The following NPHP4 variants were observed in gnomAD, a reference collection of about 807,000 sequenced individuals.
NPHP4 encodes the protein nephrocystin 4.
NPHP4 carries 151 observed loss-of-function variants against 155.8 expected under a neutral mutation model. The ratio of observed to expected loss-of-function variants is 0.97; its 90% CI spans 0.85 to 1.11. NPHP4 has a LOEUF of 1.11. Among genes scored for constraint, NPHP4 ranks in the 50% least tolerant of loss-of-function variants. The pLI, the probability that NPHP4 is intolerant of heterozygous loss-of-function variation, is 0.00. For missense variants in NPHP4, 1,956 were observed against 1,925.7 expected (o/e 1.02, Z -0.29); for synonymous variants, 845 against 816.8 (o/e 1.03, Z -0.59).
Position 5,958,692 on chromosome 1 carries a change from CAA to C in NPHP4, c.673+3100_673+3101del, listed in dbSNP as rs35749567. Among the ~76,000 whole-genome samples, 194 of 124,932 alleles carry C rather than the reference CAA, an allele frequency of 1.6e-3. 1 individual carries two copies. The highest frequency in any genetic ancestry group is 4.4e-3 in the African/African-American group (150 of 33,826). 82.0% of individuals were successfully genotyped at this position (124,932 alleles called of 152,430 possible). On this transcript the variant is annotated intron_variant, in intron 6 of 29. Coordinates refer to ENST00000378156, the MANE Select transcript of NPHP4 (RefSeq NM_015102.5). ...CCTGGGCGACAGAGCAAGACTGTCT[CAA>C]AAAAAAAAAAAAAAATTAGCCAGGC...
intron 16 of NPHP4, among the ~76,000 whole-genome samples, chr1:5,900,123 A>C (rs1467435815): frequency 6.6e-6 from 1 of 152,192 alleles, no homozygotes; most frequent in Non-Finnish European, 1.5e-5. Flanking sequence ...GGAATGCAAA[A>C]TGCCCAGCCA....
intron 18 of NPHP4, 32 bp downstream of exon 18, chr1:5,887,254 T>C (rs917577431): frequency 6.3e-7 from 1 of 1,592,278 alleles, no homozygotes; most frequent in Non-Finnish European, 8.6e-7. Context: ...GGGCGGCCGC[T>C]GGAGAAATGG....
At chr1:5,947,513 C>T (rs1647171047) in intron 8 of NPHP4, among the ~76,000 whole-genome samples, 2 of 152,218 alleles carry the variant, frequency 1.3e-5, no homozygotes, top group African/African-American at 4.8e-5. Context: ...ATTGCTCTTT[C>T]AACGCATTTC....
chr1:5,864,989 G>A (rs1320022359), intron 27 of NPHP4, 113 bp downstream of exon 27: 4 of 1,040,954 alleles, frequency 3.8e-6, no homozygotes, highest in East Asian at 5.0e-5. Context: ...CGCGCTGGAG[G>A]CGCTGGAAAA....
intron 2 of NPHP4, among the ~76,000 whole-genome samples, chr1:5,982,563 C>T (rs1654877693): frequency 1.3e-5 from 2 of 152,176 alleles, no homozygotes; most frequent in Non-Finnish European, 2.9e-5. Context: ...CTTCTAGTTA[C>T]TTTGTATCTA....
rs1405436888 is a variant in NPHP4 at position 5,974,864 on chromosome 1, T to C, written c.279+3406A>G. On this transcript the variant is annotated intron_variant, in intron 3 of 29. Transcript: ENST00000378156. ...GGTCCATGCGCTACCACGTGGGGGC[T>C]GGACAGCCACGGGCGCTCCAAATGC... 3.9e-5 allele frequency among the ~76,000 whole-genome samples: 6 copies of C among 152,122 alleles called. No individual in the cohort carries two copies. In the East Asian group the frequency reaches 1.2e-3, roughly 29 times the overall value.
intron 11 of NPHP4, among the ~76,000 whole-genome samples, chr1:5,921,835 AG>A (rs1645754070): frequency 6.6e-6 from 1 of 152,242 alleles, no homozygotes; most frequent in African/African-American, 2.4e-5. Flanking sequence ...ACATGAAGCT[AG>A]GACTGAATTT....
chr1:5,986,076 G>T, intron 2 of NPHP4, 79 bp downstream of exon 2: 1 of 1,499,086 alleles, frequency 6.7e-7, no homozygotes, highest in Non-Finnish European at 9.3e-7. Flanking sequence ...CGTAAGCCAG[G>T]GACCATCCAT....
intron 6 of NPHP4, 93 bp downstream of exon 6, chr1:5,961,701 G>A (rs983388070): frequency 2.0e-5 from 25 of 1,273,260 alleles, no homozygotes; most frequent in Middle Eastern, 2.6e-4. Flanking sequence ...CTCGGCCCAC[G>A]CTGCCCCCAG....
chr1:5,991,590 C>T (rs942646260), intron 1 of NPHP4: 1 of 152,214 alleles, frequency 6.6e-6, no homozygotes, highest in African/African-American at 2.4e-5. Context: ...CGGGAGCAGC[C>T]TGCACGCGTG....
Position 5,948,080 on chromosome 1 carries a change from A to C in NPHP4, c.982T>G (p.Ser328Ala). 6.2e-7 allele frequency: 1 copy of C among 1,613,202 alleles called. No homozygotes were observed. Among genetic ancestry groups the C allele is most frequent in the Non-Finnish European group, 8.5e-7 (1 of 1,179,248 alleles). Residue 328 changes from serine (S) to alanine (A), a missense_variant, in exon 8 of 30, where the codon TCC (serine) becomes GCC (alanine). Physicochemically the swap from Ser to Ala is moderately conservative, Grantham distance 99 (BLOSUM62 1). Transcript: ENST00000378156. ...ASFSRKVVSS[S>A]KTSSGSQALV... is the part of the protein sequence containing the mutation. The stretch of plus-strand genomic sequence containing the variant: ...CCCAAGAGACAATACCTGGTCTTGG[A>C]AGAGGAGACCACTTTCCTGCTGAAG...
chr1:5,876,692 T>C (rs1486836021), intron 20 of NPHP4, among the ~76,000 whole-genome samples: 1 of 152,210 alleles, frequency 6.6e-6, no homozygotes, highest in Non-Finnish European at 1.5e-5. Flanking sequence ...AAGTTCTATT[T>C]AGATTTTCAG....
Position 5,992,050 on chromosome 1 carries a change from A to G in NPHP4, c.-39+194T>C, listed in dbSNP as rs1656453856. ...CGACGAGGGGGGACGCCTGCGACTA[A>G]CGCGGGGACAGCCCCCGCCGCGCGC... On this transcript the variant is annotated intron_variant, in intron 1 of 29. Transcript: ENST00000378156. Among the ~76,000 whole-genome samples, 4 of 151,858 alleles carry G rather than the reference A, an allele frequency of 2.6e-5. No homozygotes were observed. In the South Asian group the frequency reaches 8.3e-4, roughly 32 times the overall value.
At chr1:5,967,741 T>C (rs1206905766) in intron 4 of NPHP4, among the ~76,000 whole-genome samples, 1 of 152,172 alleles carries the variant, frequency 6.6e-6, no homozygotes, top group Non-Finnish European at 1.5e-5. Context: ...CATTTGGCAA[T>C]GTCTGGAGAC....
rs374354239 is a variant in NPHP4 at position 5,874,528 on chromosome 1, G to A, written c.3174C>T (p.Thr1058=). Residue 1058 remains threonine, a synonymous_variant, in exon 22 of 30, where the codon ACC becomes ACT. Transcript: ENST00000378156. ...APQLYLRPHE[T]AHVPFKFQSF... Reference sequence around the variant, plus strand: ...TCTGGAACTTGAAGGGGACGTGGGCGGTCTCGTGGGGGCGCAGGTAGAGCT... The same window carrying A: ...TCTGGAACTTGAAGGGGACGTGGGCAGTCTCGTGGGGGCGCAGGTAGAGCT... The A allele has an allele frequency of 8.7e-5, 138 of 1,591,500 alleles. 1 individual carries two copies. In the Middle Eastern group the frequency reaches 1.0e-3, roughly 11 times the overall value.
intron 11 of NPHP4, among the ~76,000 whole-genome samples, chr1:5,920,747 C>G (rs1482903974): frequency 6.6e-6 from 1 of 152,078 alleles, no homozygotes; most frequent in African/African-American, 2.4e-5. Context: ...TCTCATCTTA[C>G]TTCCTTCATT....
At chr1:5,896,640 TC>T (rs1423015046) in intron 16 of NPHP4, among the ~76,000 whole-genome samples, 1 of 152,198 alleles carries the variant, frequency 6.6e-6, no homozygotes, top group Non-Finnish European at 1.5e-5. Context: ...CTTAGGAAGA[TC>T]AACATGAACT....
rs1644184620 is a variant in NPHP4, at chr1:5,892,533, G to A, written c.2144-1505C>T. ...TTGTTTGCTGAGTAAGTGAATTAAT[G>A]GTAGCATTGAAAGGCCCTGGCAGTG... On this transcript the variant is annotated intron_variant, in intron 16 of 29. Transcript: ENST00000378156. The surrounding 1 kb of genome is among the most constrained non-coding windows in gnomAD (Gnocchi z 4.5). 6.6e-6 allele frequency among the ~76,000 whole-genome samples: 1 copy of A among 152,188 alleles called. No individual in the cohort carries two copies. Among genetic ancestry groups the A allele is most frequent in the Non-Finnish European group, 1.5e-5 (1 of 68,034 alleles).
chr1:5,986,020 C>T, intron 2 of NPHP4, 135 bp downstream of exon 2: 1 of 851,446 alleles, frequency 1.2e-6, no homozygotes, highest in South Asian at 1.5e-5. Context: ...AACAGAATGG[C>T]TATATGGGTA....
Sources: gnomAD v4.1 joint callset for allele counts (sites outside exome capture counted in the v4.1 genomes callset) on GRCh38, gnomAD v4.1.1 for gene constraint, Gnocchi (gnomAD v3.1) non-coding constraint, MANE v1.5 for transcripts, NCBI Gene and HGNC (gene_info 2026-07-23, HGNC 2026-07-21) for gene names.